PPP2R2C: variants seen among roughly 807,000 people sequenced by gnomAD.
PPP2R2C encodes protein phosphatase 2, regulatory subunit B, gamma.
PPP2R2C carries 10 observed loss-of-function variants against 45.3 expected under a neutral mutation model. That is an observed-to-expected ratio of 0.22 (90% CI 0.14 to 0.37). PPP2R2C has a LOEUF of 0.37. Among genes scored for constraint, PPP2R2C ranks in the 10% least tolerant of loss-of-function variants. PPP2R2C has a pLI of 1.00. For missense variants in PPP2R2C, 308 were observed against 619.7 expected (o/e 0.50, Z 5.34); for synonymous variants, 257 against 245.4 (o/e 1.05, Z -0.44).
rs374174084 is a variant in PPP2R2C at position 6,499,151 on chromosome 4, C to A, written c.49+36120G>T. ...TCAGGTGCCCTCACTAGGCTGGGGA[C>A]CTCAGGAGCTGGGACTCCTTCATCC... On this transcript the variant is annotated intron_variant, in intron 2 of 9. Transcript: ENST00000506140. Among the ~76,000 whole-genome samples, 38 of 152,230 alleles carry A rather than the reference C, an allele frequency of 2.5e-4. 2 individuals are homozygous for A. Among genetic ancestry groups the A allele is most frequent in the African/African-American group, 8.7e-4 (36 of 41,544 alleles).
chr4:6,517,825 C>T (rs1192124211), intron 2 of PPP2R2C, among the ~76,000 whole-genome samples: 1 of 152,148 alleles, frequency 6.6e-6, no homozygotes, highest in Admixed American at 6.5e-5. Context: ...ACCAGTTCCC[C>T]TACCTACAAA....
chr4:6,411,842 G>A lies in PPP2R2C; in HGVS notation c.71-30748C>T, dbSNP rs568036886. The stretch of plus-strand genomic sequence containing the variant: ...GCTAGGATTATAGGCATGAGCCACC[G>A]CGCCCGGCCTCCACCCTGACTTTTC... On this transcript the variant is annotated intron_variant, in intron 1 of 8. Transcript: ENST00000382599. 1.3e-4 allele frequency among the ~76,000 whole-genome samples: 20 copies of A among 152,256 alleles called. No homozygotes were observed. The East Asian group carries it at 1.4e-3, about 10-fold the overall frequency.
chr4:6,449,289 C>T (rs1335335879), intron 1 of PPP2R2C, among the ~76,000 whole-genome samples: 3 of 152,178 alleles, frequency 2.0e-5, no homozygotes, highest in Non-Finnish European at 2.9e-5. Context: ...ATGAATCAAC[C>T]GTGTTCTGTC....
intron 1 of PPP2R2C, among the ~76,000 whole-genome samples, chr4:6,536,737 C>T (rs779968488): frequency 1.3e-5 from 2 of 152,238 alleles, no homozygotes; most frequent in African/African-American, 2.4e-5. Context: ...GTGTAAATCT[C>T]ACTCTTCTGT....
chr4:6,542,229 G>A (rs538120920), intron 1 of PPP2R2C, among the ~76,000 whole-genome samples: 1 of 152,356 alleles, frequency 6.6e-6, no homozygotes, highest in African/African-American at 2.4e-5. Flanking sequence ...AACAAGGCAT[G>A]CCGCAGACAG....
intron 1 of PPP2R2C, among the ~76,000 whole-genome samples, chr4:6,453,594 C>T (rs1046559123): frequency 3.3e-5 from 5 of 151,792 alleles, no homozygotes; most frequent in East Asian, 2.0e-4. Context: ...AGTGCGGGCA[C>T]GTGGTGTGCA....
chr4:6,391,224 CCA>C (rs1716609633), intron 1 of PPP2R2C, among the ~76,000 whole-genome samples: 1 of 152,130 alleles, frequency 6.6e-6, no homozygotes. Flanking sequence ...GGTCCCACCC[CCA>C]CACACACCTT....
chr4:6,401,647 G>A (rs566259646), intron 1 of PPP2R2C, among the ~76,000 whole-genome samples: 4 of 152,232 alleles, frequency 2.6e-5, no homozygotes, highest in African/African-American at 9.6e-5. Context: ...GTGATCTCAT[G>A]AGCCTGAGAG....
At chr4:6,404,511 C>T (rs1018777904) in intron 1 of PPP2R2C, among the ~76,000 whole-genome samples, 1 of 152,164 alleles carries the variant, frequency 6.6e-6, no homozygotes, top group Non-Finnish European at 1.5e-5. Flanking sequence ...TTTGCAACAT[C>T]AGTTATGAAG....
chr4:6,351,214 T>G (rs1475868566), intron 5 of PPP2R2C: 1 of 470,188 alleles, frequency 2.1e-6, no homozygotes, highest in East Asian at 1.5e-4. Flanking sequence ...CTTGGGAGGC[T>G]GAGGCAGGAG....
chr4:6,395,644 G>A (rs1716972110), intron 1 of PPP2R2C, among the ~76,000 whole-genome samples: 1 of 152,216 alleles, frequency 6.6e-6, no homozygotes, highest in East Asian at 1.9e-4. Context: ...GAGAGCTGCT[G>A]TGGTATGCCA....
chr4:6,502,435 C>T (rs1330866081), intron 2 of PPP2R2C, among the ~76,000 whole-genome samples: 1 of 152,102 alleles, frequency 6.6e-6, no homozygotes, highest in African/African-American at 2.4e-5. Flanking sequence ...GTGGCCTCAG[C>T]CCCGGGTGAG....
In PPP2R2C at chr4:6,345,394, T is replaced by C. The variant is rs1169529767; in HGVS notation, c.790+2452A>G. On this transcript the variant is annotated intron_variant, in intron 6 of 8. Transcript: ENST00000382599. This position sits in a 1 kb window ranked among gnomAD's most constrained non-coding sequence, Gnocchi z 5.3. ...TGATCCCTAGCACCTGTGACTATGT[T>C]ATGCTACACGGCAAAGTCAAAATAA... Among the ~76,000 whole-genome samples the C allele has an allele frequency of 6.6e-6, 1 of 152,118 alleles. No individual in the cohort carries two copies. The highest frequency in any genetic ancestry group is 1.5e-5 in the Non-Finnish European group (1 of 68,020).
intron 6 of PPP2R2C, among the ~76,000 whole-genome samples, chr4:6,343,708 A>G (rs1321384482): frequency 6.6e-6 from 1 of 152,062 alleles, no homozygotes; most frequent in East Asian, 1.9e-4. Flanking sequence ...TCTGTCTAAA[A>G]AAAAAGAAAA....
intron 2 of PPP2R2C, among the ~76,000 whole-genome samples, chr4:6,512,485 A>G (rs7375807): frequency 3.6e-3 from 124 of 34,188 alleles, no homozygotes; most frequent in African/African-American, 6.9e-3. Context: ...AGTGGTGGTG[A>G]TGGTGATGGT....
chr4:6,417,498 C>A (rs1040704661), intron 1 of PPP2R2C, among the ~76,000 whole-genome samples: 1 of 152,310 alleles, frequency 6.6e-6, no homozygotes, highest in African/African-American at 2.4e-5. Flanking sequence ...CTGCCCTACA[C>A]ACTGAGAACA....
chr4:6,535,295 G>A (rs1308193280), exon 2 of PPP2R2C: 2 of 1,535,314 alleles, frequency 1.3e-6, no homozygotes, highest in Non-Finnish European at 1.7e-6. Flanking sequence ...AGCTGAGGTG[G>A]CCTCAACGTG....
chr4:6,395,598 C>A (rs535685848), intron 1 of PPP2R2C, among the ~76,000 whole-genome samples: 2 of 152,302 alleles, frequency 1.3e-5, no homozygotes, highest in African/African-American at 4.8e-5. Flanking sequence ...CCCCCCACAG[C>A]GGGGGCTGAT....
intron 5 of PPP2R2C, among the ~76,000 whole-genome samples, chr4:6,366,663 G>T (rs1051372783): frequency 6.6e-6 from 1 of 152,206 alleles, no homozygotes; most frequent in African/African-American, 2.4e-5. Flanking sequence ...ATAATGGGCT[G>T]TGAGATGCTG....
Sources: allele counts gnomAD v4.1 joint callset (sites outside exome capture counted in the v4.1 genomes callset), GRCh38; gene constraint gnomAD v4.1.1; non-coding constraint Gnocchi (gnomAD v3.1); transcripts MANE v1.5; gene names NCBI Gene and HGNC (gene_info 2026-07-23, HGNC 2026-07-21).